CPED1: variants seen among roughly 807,000 people sequenced by gnomAD.
CPED1 encodes the protein cadherin like and PC-esterase domain containing 1.
A neutral mutation model predicts 128.2 loss-of-function variants in CPED1; 114 were observed. The observed-to-expected ratio is 0.89, with a 90% confidence interval of 0.76 to 1.04. The LOEUF (loss-of-function observed/expected upper bound fraction) is 1.04. CPED1 is among the 50% of genes least tolerant of loss of function. The pLI is 0.00. For missense variants in CPED1, 1,211 were observed against 1,207.1 expected, an observed-to-expected ratio of 1.00 and a Z score of -0.05; for synonymous variants, 462 against 426.7, an observed-to-expected ratio of 1.08 and a Z score of -1.02.
chr7:121,258,748 TAC>T (rs1467633824), intron 18 of CPED1, among the ~76,000 whole-genome samples: 1 of 152,088 alleles, frequency 6.6e-6, no homozygotes, highest in East Asian at 1.9e-4. Context: ...CGTACCTAAA[TAC>T]ACAGTTTTAA....
intron 7 of CPED1, among the ~76,000 whole-genome samples, chr7:121,123,800 G>A (rs1795441954): frequency 6.6e-6 from 1 of 152,110 alleles, no homozygotes; most frequent in South Asian, 2.1e-4. Flanking sequence ...CAGAATAATG[G>A]CATGAGGAAG....
intron 16 of CPED1, among the ~76,000 whole-genome samples, chr7:121,228,388 G>T (rs569645647): frequency 2.6e-5 from 4 of 151,982 alleles, no homozygotes; most frequent in African/African-American, 9.6e-5. Context: ...ATGAAAAAAT[G>T]CTCGATATCA....
chr7:121,014,318 C>T (rs186118807), intron 2 of CPED1, among the ~76,000 whole-genome samples: 4 of 152,140 alleles, frequency 2.6e-5, no homozygotes, highest in East Asian at 1.9e-4. Flanking sequence ...TTCGGGAGGC[C>T]GAGGTGGGCG....
chr7:121,121,449 A>G (rs1795385978), intron 7 of CPED1, among the ~76,000 whole-genome samples: 1 of 152,212 alleles, frequency 6.6e-6, no homozygotes. Flanking sequence ...GTCATTTTCT[A>G]TATAATTTAT....
intron 4 of CPED1, among the ~76,000 whole-genome samples, chr7:121,055,249 C>G (rs1357579524): frequency 9.2e-5 from 14 of 152,062 alleles, no homozygotes; most frequent in Admixed American, 9.2e-4. Context: ...CTTTAAGAAA[C>G]TTTAAAAACT....
intron 2 of CPED1, among the ~76,000 whole-genome samples, chr7:120,991,088 A>G (rs906839406): frequency 6.6e-6 from 1 of 152,236 alleles, no homozygotes; most frequent in Admixed American, 6.5e-5. Context: ...ATAAAAGTCA[A>G]TTCAAAGCCC....
intron 4 of CPED1, among the ~76,000 whole-genome samples, chr7:121,059,625 CATA>C (rs10543899): frequency 0.67 from 101,421 of 151,842 alleles, 36,159 homozygotes; most frequent in Admixed American, 0.81. Context: ...CTAATAAATT[CATA>C]ATATTATTGT....
chr7:121,074,509 G>GTTTTTTTTTTTTTTTTTTTTTTTTTT (rs1157885862), intron 5 of CPED1, among the ~76,000 whole-genome samples: 2 of 80,838 alleles, frequency 2.5e-5, no homozygotes, highest in African/African-American at 9.1e-5. Context: ...TTTCCTTTGT[G>GTTTTTTTTTTTTTTTTTTTTTTTTTT]TTTTTTTTTT....
At chr7:121,286,811 A>G (rs1562863199) in intron 22 of CPED1, among the ~76,000 whole-genome samples, 1 of 152,100 alleles carries the variant, frequency 6.6e-6, no homozygotes, top group African/African-American at 2.4e-5. Flanking sequence ...GTATTAGTCC[A>G]TTTTCATACT....
intron 22 of CPED1, among the ~76,000 whole-genome samples, chr7:121,292,562 GC>G (rs1792729509): frequency 6.6e-6 from 1 of 151,866 alleles, no homozygotes; most frequent in East Asian, 1.9e-4. Context: ...TCCCTTGCTG[GC>G]GAGGAGTTGC....
At chr7:121,073,341 G>T (rs1337811106) in intron 5 of CPED1, among the ~76,000 whole-genome samples, 1 of 152,254 alleles carries the variant, frequency 6.6e-6, no homozygotes, top group African/African-American at 2.4e-5. Context: ...TGGAAAAAGA[G>T]GAGGGTTTGG....
At chr7:121,286,038 C>T (rs576162507) in intron 22 of CPED1, among the ~76,000 whole-genome samples, 10 of 152,216 alleles carry the variant, frequency 6.6e-5, no homozygotes, top group South Asian at 4.2e-4. Flanking sequence ...AGCATGGCTG[C>T]GGAAGCCTCG....
chr7:121,141,394 C>CT (rs912136782), intron 15 of CPED1, among the ~76,000 whole-genome samples: 8 of 151,952 alleles, frequency 5.3e-5, no homozygotes, highest in African/African-American at 1.9e-4. Flanking sequence ...ACCTCACTGG[C>CT]TTTTTTTCCT....
intron 16 of CPED1, among the ~76,000 whole-genome samples, chr7:121,195,724 A>G (rs1038804800): frequency 3.9e-5 from 6 of 152,196 alleles, no homozygotes; most frequent in African/African-American, 1.4e-4. Context: ...TTTTGAAGAA[A>G]ACATTTATCT....
chr7:121,019,904 C>T (rs566896932), intron 3 of CPED1, among the ~76,000 whole-genome samples: 1 of 152,092 alleles, frequency 6.6e-6, no homozygotes, highest in Admixed American at 6.6e-5. Flanking sequence ...TAAATCAATG[C>T]TTCAGTGCAC....
intron 2 of CPED1, among the ~76,000 whole-genome samples, chr7:121,003,578 C>A (rs567771920): frequency 6.6e-6 from 1 of 152,206 alleles, no homozygotes; most frequent in South Asian, 2.1e-4. Flanking sequence ...CTTAAACATT[C>A]TAGAATGAAT....
At chr7:121,074,540 A>G (rs1245582711) in intron 5 of CPED1, among the ~76,000 whole-genome samples, 1 of 44,850 alleles carries the variant, frequency 2.2e-5, no homozygotes, top group African/African-American at 6.7e-5. Context: ...GGGCACCTTC[A>G]TCTGCATTAA....
At chr7:121,250,424 G>A (rs1798642995) in intron 18 of CPED1, among the ~76,000 whole-genome samples, 1 of 151,730 alleles carries the variant, frequency 6.6e-6, no homozygotes, top group Non-Finnish European at 1.5e-5. Flanking sequence ...AGAGAAGCAA[G>A]AGCAAACACA....
chr7:121,090,965 A>C (rs1417782654), intron 5 of CPED1, among the ~76,000 whole-genome samples: 1 of 152,056 alleles, frequency 6.6e-6, no homozygotes, highest in East Asian at 1.9e-4. Context: ...ATAAAAATAA[A>C]AAAAAAAGCA....
Sources: gnomAD v4.1 joint callset for allele counts (sites outside exome capture counted in the v4.1 genomes callset) on GRCh38, gnomAD v4.1.1 for gene constraint, MANE v1.5 for transcripts, NCBI Gene and HGNC (gene_info 2026-07-23, HGNC 2026-07-21) for gene names.